TMEM135: variants seen among roughly 807,000 people sequenced by gnomAD.
The protein encoded by TMEM135 is peroxisomal membrane protein 52.
A neutral mutation model predicts 60.3 loss-of-function variants in TMEM135; 30 were observed. The ratio of observed to expected loss-of-function variants is 0.50; its 90% confidence interval spans 0.37 to 0.68. The LOEUF is 0.68. Ranked by LOEUF, TMEM135 falls within the 30% of genes least tolerant of loss-of-function variation. The pLI, the probability that TMEM135 is intolerant of heterozygous loss-of-function variation, is 0.00. For synonymous variants in TMEM135, 190 were observed against 186.7 expected (o/e 1.02, Z -0.14); for missense variants, 468 against 548.8 (o/e 0.85, Z 1.47).
Position 87,323,866 on chromosome 11 carries a change from C to G in TMEM135, c.*2533C>G. 1 of 451,848 alleles carries G rather than the reference C, an allele frequency of 2.2e-6. No homozygotes were observed. Among genetic ancestry groups the G allele is most frequent in the South Asian group, 1.6e-5 (1 of 63,508 alleles). 28.0% of individuals were successfully genotyped at this position (451,848 alleles called of 1,614,324 possible). ...AACACCTTTGGTTTAGTTTTATTTT[C>G]CCATAAATTCTGCTTTTGCTTCTGT... On this transcript the variant is annotated 3_prime_UTR_variant, in exon 15 of 15. Coordinates refer to ENST00000305494, the MANE Select transcript of TMEM135 (RefSeq NM_022918.4).
chr11:87,119,096 G>A (rs1857972708), intron 4 of TMEM135, among the ~76,000 whole-genome samples: 1 of 152,198 alleles, frequency 6.6e-6, no homozygotes, highest in Non-Finnish European at 1.5e-5. Flanking sequence ...ACTGGAACAA[G>A]AAGCCTAGCT....
intron 5 of TMEM135, among the ~76,000 whole-genome samples, chr11:87,203,032 C>CAACAAAAAAAAAAA (rs1940154751): frequency 3.0e-5 from 1 of 33,568 alleles, no homozygotes; most frequent in African/African-American, 8.8e-5. Flanking sequence ...GACTCCGTCT[C>CAACAAAAAAAAAAA]AAAAAAAAAA....
At chr11:87,062,536 T>A (rs1412585490) in intron 1 of TMEM135, among the ~76,000 whole-genome samples, 6 of 150,128 alleles carry the variant, frequency 4.0e-5, no homozygotes, top group Non-Finnish European at 8.9e-5. Context: ...TGATCTCAGC[T>A]CACTGCAACC....
intron 8 of TMEM135, among the ~76,000 whole-genome samples, chr11:87,304,692 A>G (rs1001754077): frequency 1.3e-5 from 2 of 152,228 alleles, no homozygotes; most frequent in Non-Finnish European, 2.9e-5. Flanking sequence ...GGTCTTGCTA[A>G]TCAATTTGCG....
chr11:87,174,976 G>T (rs906348709), intron 5 of TMEM135, among the ~76,000 whole-genome samples: 1 of 152,040 alleles, frequency 6.6e-6, no homozygotes, highest in Non-Finnish European at 1.5e-5. Context: ...GAAGCCACTG[G>T]TCATCACTTT....
intron 6 of TMEM135, among the ~76,000 whole-genome samples, chr11:87,283,163 T>C (rs759309742): frequency 5.3e-5 from 8 of 151,822 alleles, no homozygotes; most frequent in Non-Finnish European, 1.0e-4. Context: ...GGTGAAACCC[T>C]GTCTCTACTG....
At chr11:87,157,156 G>A (rs1938722518) in intron 4 of TMEM135, among the ~76,000 whole-genome samples, 185 bp from the exon 5 acceptor site, 1 of 149,722 alleles carries the variant, frequency 6.7e-6, no homozygotes, top group Non-Finnish European at 1.5e-5. Context: ...TTGAACTCCT[G>A]GACTCAAGTG....
intron 6 of TMEM135, among the ~76,000 whole-genome samples, chr11:87,240,700 ATCTG>A (rs1414113808): frequency 6.6e-6 from 1 of 152,164 alleles, no homozygotes; most frequent in Non-Finnish European, 1.5e-5. Flanking sequence ...ACCATTAGGT[ATCTG>A]TCTATGGGGA....
At chr11:87,300,246 T>A (rs1371929255) in intron 7 of TMEM135, among the ~76,000 whole-genome samples, 1 of 152,212 alleles carries the variant, frequency 6.6e-6, no homozygotes, top group Middle Eastern at 3.2e-3. Context: ...TTTGGGAAGC[T>A]TCCTCTGGAA....
In TMEM135 at chr11:87,321,298, A is replaced by G. The variant is rs1288247204; in HGVS notation, c.1342A>G (p.Thr448Ala). Residue 448 changes from threonine to alanine, a missense_variant, in exon 15 of 15, where the codon ACT becomes GCT. Thr to Ala is a moderately conservative substitution (Grantham distance 58). Coordinates refer to ENST00000305494, the MANE Select transcript of TMEM135 (RefSeq NM_022918.4). The part of the protein sequence containing the change: ...FIPRLDPRYT[T>A]VTPELPTEFS ...CCCCAGGTTGGATCCAAGATACACA[A>G]CTGTAACACCAGAGTTGCCCACAGA... 1 of 1,613,626 alleles carries G rather than the reference A, an allele frequency of 6.2e-7. No homozygotes were observed. The highest frequency in any genetic ancestry group is 1.3e-5 in the African/African-American group (1 of 74,908).
chr11:87,171,855 A>G (rs916845778), intron 5 of TMEM135, among the ~76,000 whole-genome samples: 1 of 152,064 alleles, frequency 6.6e-6, no homozygotes, highest in African/African-American at 2.4e-5. Context: ...GGAGCACACA[A>G]CCTAGATCCC....
At chr11:87,258,880 C>G (rs992149079) in intron 6 of TMEM135, 10 of 928,392 alleles carry the variant, frequency 1.1e-5, no homozygotes, top group Non-Finnish European at 1.8e-5. Flanking sequence ...AGGAAGAGCC[C>G]CTTGCATTCT....
At chr11:87,148,986 A>G (rs760044246) in intron 4 of TMEM135, among the ~76,000 whole-genome samples, 2 of 151,842 alleles carry the variant, frequency 1.3e-5, no homozygotes, top group African/African-American at 2.4e-5. Flanking sequence ...GTTTGCTTTA[A>G]ACGTTTTAAA....
intron 6 of TMEM135, among the ~76,000 whole-genome samples, chr11:87,280,602 T>C (rs901281670): frequency 1.3e-5 from 2 of 152,182 alleles, no homozygotes; most frequent in Non-Finnish European, 2.9e-5. Flanking sequence ...CCAAAATCAA[T>C]GTCAGACACA....
Position 87,324,845 on chromosome 11 carries a change from C to A in TMEM135, c.*3512C>A, listed in dbSNP as rs1160717711. The A allele has an allele frequency of 6.6e-6, 3 of 453,910 alleles. No individual in the cohort carries two copies. The highest frequency in any genetic ancestry group is 7.0e-5 in the East Asian group (1 of 14,388). The allele number at this position is 453,910 out of a possible 1,614,324, so 28.1% of individuals were successfully genotyped here. Reference sequence around the variant, plus strand: ...AAGATATCTTATAAACATTCTCTCTCCTAACACCTCCTTCTAGTAATCATT... The same window carrying A: ...AAGATATCTTATAAACATTCTCTCTACTAACACCTCCTTCTAGTAATCATT... On this transcript the variant is annotated 3_prime_UTR_variant, in exon 15 of 15. Coordinates refer to ENST00000305494, the MANE Select transcript of TMEM135 (RefSeq NM_022918.4).
At chr11:87,145,873 C>G (rs1029016598) in intron 4 of TMEM135, among the ~76,000 whole-genome samples, 5 of 152,154 alleles carry the variant, frequency 3.3e-5, no homozygotes, top group Non-Finnish European at 7.4e-5. Flanking sequence ...TTCTCCCAAT[C>G]CATGGGTTGT....
intron 1 of TMEM135, among the ~76,000 whole-genome samples, chr11:87,064,845 A>C (rs1449427413): frequency 6.6e-6 from 1 of 152,168 alleles, no homozygotes; most frequent in Non-Finnish European, 1.5e-5. Context: ...AGATCATGCC[A>C]TTGCACTCCA....
intron 4 of TMEM135, among the ~76,000 whole-genome samples, chr11:87,117,165 A>G (rs1404944779): frequency 6.6e-6 from 1 of 152,184 alleles, no homozygotes; most frequent in Admixed American, 6.5e-5. Flanking sequence ...ATTAAAAAAA[A>G]CTTATAGCTA....
Position 87,324,556 on chromosome 11 carries a change from A to C in TMEM135, c.*3223A>C, listed in dbSNP as rs550544350. On this transcript the variant is annotated 3_prime_UTR_variant, in exon 15 of 15. Transcript: ENST00000305494. ...TTCCCCTCAGTCTCTAATAGCTGGGACAACAGGCATGTGCCACCATGCCTG... is the reference window on the plus strand; with the variant it reads ...TTCCCCTCAGTCTCTAATAGCTGGGCCAACAGGCATGTGCCACCATGCCTG... The C allele has an allele frequency of 1.7e-4, 76 of 452,312 alleles. No homozygotes were observed. The highest frequency in any genetic ancestry group is 9.9e-4 in the South Asian group (63 of 63,716). 28.0% of individuals were successfully genotyped at this position (452,312 alleles called of 1,614,324 possible).
Sources: allele counts gnomAD v4.1 joint callset (sites outside exome capture counted in the v4.1 genomes callset), GRCh38; gene constraint gnomAD v4.1.1; transcripts MANE v1.5; gene names NCBI Gene and HGNC (gene_info 2026-07-23, HGNC 2026-07-21).